Variants in SOHLH2 observed in about 807,000 individuals in gnomAD.
SOHLH2 encodes spermatogenesis- and oogenesis-specific basic helix-loop-helix-containing protein 2.
SOHLH2 carries 22 observed loss-of-function variants against 50.4 expected under a neutral mutation model. The observed-to-expected ratio is 0.44, with a 90% CI of 0.31 to 0.62. The LOEUF (loss-of-function observed/expected upper bound fraction) is 0.62, where lower values mean the gene tolerates loss of function less well. SOHLH2 is among the 20% of genes least tolerant of loss of function. The pLI, the probability that SOHLH2 is intolerant of heterozygous loss-of-function variation, is 0.08. For missense variants in SOHLH2, 412 were observed against 504.4 expected, an observed-to-expected ratio of 0.82 and a Z score of 1.76; for synonymous variants, 185 against 187.3, an observed-to-expected ratio of 0.99 and a Z score of 0.10.
intron 6 of SOHLH2, among the ~76,000 whole-genome samples, chr13:36,184,460 C>CTTTTTTTTTTTTTT (rs1229884029): frequency 2.7e-4 from 33 of 121,142 alleles, no homozygotes; most frequent in Middle Eastern, 5.0e-3. Flanking sequence ...CTACAAAGAC[C>CTTTTTTTTTTTTTT]TTTTTTTTTT....
intron 2 of SOHLH2, among the ~76,000 whole-genome samples, chr13:36,197,088 C>T (rs1887755989): frequency 2.0e-5 from 3 of 152,136 alleles, no homozygotes; most frequent in Admixed American, 2.0e-4. Context: ...TTATCCACAC[C>T]AACTGATAGT....
chr13:36,175,504 T>C (rs1392500833), intron 6 of SOHLH2, among the ~76,000 whole-genome samples: 2 of 152,338 alleles, frequency 1.3e-5, no homozygotes, highest in African/African-American at 4.8e-5. Context: ...TTCACAGCTC[T>C]GAAGGGGGAT....
chr13:36,196,290 AT>A (rs1202167008), intron 2 of SOHLH2, among the ~76,000 whole-genome samples: 1 of 151,738 alleles, frequency 6.6e-6, no homozygotes, highest in Non-Finnish European at 1.5e-5. Context: ...ACACTTGGCT[AT>A]TTTTTTGTAT....
chr13:36,205,619 T>G (rs1054371914), intron 1 of SOHLH2, among the ~76,000 whole-genome samples: 5 of 152,124 alleles, frequency 3.3e-5, no homozygotes, highest in Non-Finnish European at 7.4e-5. Context: ...TGTAATGAAT[T>G]CAATGCCTTC....
chr13:36,189,530 T>A (rs1887516506), intron 6 of SOHLH2, among the ~76,000 whole-genome samples: 1 of 152,188 alleles, frequency 6.6e-6, no homozygotes, highest in African/African-American at 2.4e-5. Context: ...AATTGCAACG[T>A]GTGGAAAGCT....
intron 2 of SOHLH2, among the ~76,000 whole-genome samples, chr13:36,201,120 A>C (rs1429405252): frequency 1.3e-5 from 2 of 151,908 alleles, no homozygotes; most frequent in Non-Finnish European, 1.5e-5. Flanking sequence ...CGAAACAAGA[A>C]CACTGGAGGT....
At chr13:36,207,677 A>C (rs1868859843) in intron 1 of SOHLH2, among the ~76,000 whole-genome samples, 1 of 152,180 alleles carries the variant, frequency 6.6e-6, no homozygotes, top group South Asian at 2.1e-4. Flanking sequence ...CCAGGATCCC[A>C]TCTGGATAAT....
intron 1 of SOHLH2, among the ~76,000 whole-genome samples, chr13:36,205,687 T>C (rs1338563770): frequency 6.6e-6 from 1 of 152,114 alleles, no homozygotes; most frequent in Admixed American, 6.6e-5. Flanking sequence ...TTTGTTTTAT[T>C]GTATTGCCTT....
intron 1 of SOHLH2, among the ~76,000 whole-genome samples, chr13:36,202,480 A>G (rs1868481288): frequency 6.6e-6 from 1 of 152,212 alleles, no homozygotes; most frequent in African/African-American, 2.4e-5. Flanking sequence ...ACTCTCCCAC[A>G]TGATTTATTT....
chr13:36,202,226 A>T (rs1175340390), intron 1 of SOHLH2, 133 bp from the exon 2 acceptor site: 1 of 1,142,288 alleles, frequency 8.8e-7, no homozygotes, highest in Non-Finnish European at 1.2e-6. Context: ...CTGACTGGCT[A>T]GATGGTCAAC....
chr13:36,191,824 C>G lies in SOHLH2; in HGVS notation c.501G>C (p.Leu167=). 6.2e-7 allele frequency: 1 copy of G among 1,613,862 alleles called. No homozygotes were observed. The change falls in exon 5 of 11, where the codon CTG becomes CTC. Residue 167 remains leucine, a synonymous_variant. Coordinates refer to ENST00000379881, the MANE Select transcript of SOHLH2 (RefSeq NM_017826.3). ...LPLQRSYSEH[L]GYFPTDLFAC... is the part of the protein sequence containing the mutation. Reference sequence around the variant, plus strand: ...CAAATAGATCAGTAGGAAAATATCCCAGGTGTTCGCTGTAGGACCTCTGCA... The same window carrying G: ...CAAATAGATCAGTAGGAAAATATCCGAGGTGTTCGCTGTAGGACCTCTGCA...
chr13:36,168,773 GCCATT>G lies in SOHLH2; in HGVS notation c.*256_*260del. 4.3e-6 allele frequency: 2 copies of G among 465,384 alleles called. No homozygotes were observed. Among genetic ancestry groups the G allele is most frequent in the Non-Finnish European group, 7.4e-6 (2 of 268,712 alleles). The allele number at this position is 465,384 out of a possible 1,614,324, so 28.8% of individuals were successfully genotyped here. Reference sequence around the variant, plus strand: ...AGAAAAGAGAGTGTAGGTCACTGAGGCCATTTGTTCTTGTAGCTCTCTGGCTGGCG... The same window carrying G: ...AGAAAAGAGAGTGTAGGTCACTGAGGTGTTCTTGTAGCTCTCTGGCTGGCG... On this transcript the variant is annotated 3_prime_UTR_variant, in exon 11 of 11. Transcript: ENST00000379881.
chr13:36,214,546 G>T lies in SOHLH2; in HGVS notation c.-20C>A. ...AGCCATGGCCGCTGCGCACGTGCTGGGTCCTGGGGCAGCCTCCCAGCAGGA... is the reference window on the plus strand; with the variant it reads ...AGCCATGGCCGCTGCGCACGTGCTGTGTCCTGGGGCAGCCTCCCAGCAGGA... On this transcript the variant is annotated 5_prime_UTR_variant, in exon 1 of 11. Transcript: ENST00000379881. 1.2e-6 allele frequency: 2 copies of T among 1,608,264 alleles called. No homozygotes were observed. Among genetic ancestry groups the T allele is most frequent in the South Asian group, 1.1e-5 (1 of 89,568 alleles).
At chr13:36,199,711 A>G (rs1198098052) in intron 2 of SOHLH2, among the ~76,000 whole-genome samples, 1 of 152,234 alleles carries the variant, frequency 6.6e-6, no homozygotes, top group Non-Finnish European at 1.5e-5. Context: ...GTATCAGACA[A>G]GAAATTCTCT....
intron 4 of SOHLH2, among the ~76,000 whole-genome samples, chr13:36,192,327 A>G (rs1226099128): frequency 6.6e-6 from 1 of 152,144 alleles, no homozygotes; most frequent in Non-Finnish European, 1.5e-5. Flanking sequence ...AAGACGAGAC[A>G]ACTGGAAGCA....
chr13:36,170,110 G>A (rs925447990), intron 10 of SOHLH2, among the ~76,000 whole-genome samples: 22 of 152,180 alleles, frequency 1.4e-4, no homozygotes, highest in African/African-American at 5.1e-4. Context: ...GTGACTGAAA[G>A]AAAGCTTTTT....
At chr13:36,200,948 C>G (rs1887883188) in intron 2 of SOHLH2, among the ~76,000 whole-genome samples, 1 of 147,484 alleles carries the variant, frequency 6.8e-6, no homozygotes, top group Admixed American at 7.0e-5. Context: ...ACTCAGGAGA[C>G]TGAGGCAGGA....
At chr13:36,194,813 A>C (rs1305696889) in intron 2 of SOHLH2, among the ~76,000 whole-genome samples, 1 of 152,206 alleles carries the variant, frequency 6.6e-6, no homozygotes, top group Admixed American at 6.5e-5. Flanking sequence ...ACTTTAAAAC[A>C]TCATTTATTA....
At chr13:36,195,136 T>A (rs536538376) in intron 2 of SOHLH2, among the ~76,000 whole-genome samples, 1 of 152,134 alleles carries the variant, frequency 6.6e-6, no homozygotes, top group Admixed American at 6.5e-5. Context: ...ATTTTATGGC[T>A]GAAAATGTGT....
Sources: gnomAD v4.1 joint callset for allele counts (sites outside exome capture counted in the v4.1 genomes callset) on GRCh38, gnomAD v4.1.1 for gene constraint, MANE v1.5 for transcripts, NCBI Gene and HGNC (gene_info 2026-07-23, HGNC 2026-07-21) for gene names.